Variants in ELMO1 observed in about 807,000 individuals in gnomAD.
ELMO1 encodes engulfment and cell motility protein 1.
In ELMO1, 26 loss-of-function variants were observed where a neutral mutation model predicts 98.9. The observed-to-expected ratio is 0.26, with a 90% confidence interval of 0.19 to 0.36. The LOEUF (loss-of-function observed/expected upper bound fraction) is 0.36, where lower values mean the gene tolerates loss of function less well. ELMO1 is among the 10% of genes least tolerant of loss of function. ELMO1 has a pLI of 1.00. For synonymous variants in ELMO1, 346 were observed against 346.0 expected (o/e 1.00, Z 0.00); for missense variants, 627 against 935.2 (o/e 0.67, Z 4.30).
chr7:37,069,084 A>G (rs944800723), intron 15 of ELMO1, among the ~76,000 whole-genome samples: 1 of 152,154 alleles, frequency 6.6e-6, no homozygotes, highest in Admixed American at 6.5e-5. Flanking sequence ...TTCCTCTAAG[A>G]TTGCAGCTGC....
intron 1 of ELMO1, among the ~76,000 whole-genome samples, chr7:37,393,376 C>A (rs941409916): frequency 3.9e-5 from 6 of 152,060 alleles, no homozygotes; most frequent in Non-Finnish European, 7.3e-5. Flanking sequence ...GCCCTTGTGA[C>A]CTCGTTCAAA....
At chr7:36,908,548 G>GTTAT (rs892629549) in intron 16 of ELMO1, among the ~76,000 whole-genome samples, 2 of 142,554 alleles carry the variant, frequency 1.4e-5, no homozygotes, top group African/African-American at 2.7e-5. Context: ...GTTAAGATTT[G>GTTAT]TTATTTTTTT....
intron 15 of ELMO1, among the ~76,000 whole-genome samples, chr7:37,092,917 T>TTC (rs1427733897): frequency 1.4e-5 from 2 of 146,236 alleles, no homozygotes; most frequent in African/African-American, 4.9e-5. Context: ...TTCTTTTTCT[T>TTC]TTTTTTTTTT....
intron 8 of ELMO1, among the ~76,000 whole-genome samples, chr7:37,232,743 G>A: frequency 6.6e-6 from 1 of 152,152 alleles, no homozygotes; most frequent in East Asian, 1.9e-4. Flanking sequence ...CTGGACACCA[G>A]GTTGGGGATT....
At chr7:37,321,677 A>T (rs1489617289) in intron 2 of ELMO1, among the ~76,000 whole-genome samples, 2 of 134,642 alleles carry the variant, frequency 1.5e-5, no homozygotes, top group South Asian at 5.0e-4. Context: ...AGATCGCGCC[A>T]CTGCACTCTA....
intron 6 of ELMO1, among the ~76,000 whole-genome samples, chr7:37,249,967 T>G (rs1286836961): frequency 6.6e-6 from 1 of 152,066 alleles, no homozygotes; most frequent in African/African-American, 2.4e-5. Context: ...AGTCCCTACC[T>G]ACTCAGGAGG....
chr7:37,170,180 C>T (rs113148650), intron 13 of ELMO1, among the ~76,000 whole-genome samples: 6,992 of 152,314 alleles, frequency 0.046, 178 homozygotes, highest in Middle Eastern at 0.13. Context: ...GCTGGGATTA[C>T]AGGCGTGAGC....
At chr7:37,238,370 G>T (rs1794588238) in intron 7 of ELMO1, among the ~76,000 whole-genome samples, 1 of 152,100 alleles carries the variant, frequency 6.6e-6, no homozygotes, top group African/African-American at 2.4e-5. Flanking sequence ...AATGGTTGCT[G>T]TTAAAATATA....
At chr7:37,436,377 A>G (rs1444150904) in intron 1 of ELMO1, among the ~76,000 whole-genome samples, 6 of 152,230 alleles carry the variant, frequency 3.9e-5, no homozygotes, top group Non-Finnish European at 8.8e-5. Flanking sequence ...TGAAGACTGT[A>G]TATTTGTCAG....
chr7:36,973,688 G>C lies in ELMO1; in HGVS notation c.1437+39611C>G, dbSNP rs529891886. On this transcript the variant is annotated intron_variant, in intron 16 of 21. Transcript: ENST00000310758. ...GCCCACCGCTGCAGTGTGGGAGCCC[G>C]TTTCTGGGCTGGCCAAGGCCGGAGA... 4.5e-3 allele frequency among the ~76,000 whole-genome samples: 679 copies of C among 152,330 alleles called. 11 individuals are homozygous for C. The highest frequency in any genetic ancestry group is 0.016 in the African/African-American group (646 of 41,590).
chr7:37,071,390 G>GA (rs369178737), intron 15 of ELMO1, among the ~76,000 whole-genome samples: 6 of 151,588 alleles, frequency 4.0e-5, no homozygotes, highest in African/African-American at 1.5e-4. Flanking sequence ...ACAATCTTAG[G>GA]AAAAAAAATG....
At chr7:37,323,367 C>T (rs1799623693) in intron 2 of ELMO1, among the ~76,000 whole-genome samples, 1 of 152,192 alleles carries the variant, frequency 6.6e-6, no homozygotes, top group Admixed American at 6.5e-5. Flanking sequence ...ATTTCCTACA[C>T]AAGAAGATTT....
chr7:37,205,138 G>A (rs1362052355), intron 13 of ELMO1, among the ~76,000 whole-genome samples: 1 of 152,158 alleles, frequency 6.6e-6, no homozygotes, highest in Non-Finnish European at 1.5e-5. Flanking sequence ...ATCACAGACG[G>A]GACCCTCTGG....
intron 13 of ELMO1, among the ~76,000 whole-genome samples, chr7:37,188,481 G>A (rs1194886716): frequency 2.7e-5 from 2 of 73,434 alleles, no homozygotes; most frequent in Admixed American, 1.7e-4. Flanking sequence ...GGCCACTGGA[G>A]AAAGGTAAAA....
chr7:37,166,584 T>C (rs1231687619), intron 13 of ELMO1, among the ~76,000 whole-genome samples: 1 of 152,174 alleles, frequency 6.6e-6, no homozygotes, highest in Non-Finnish European at 1.5e-5. Context: ...TTTGCCTTCA[T>C]TTCGTTATGT....
intron 1 of ELMO1, among the ~76,000 whole-genome samples, chr7:37,438,431 C>CAAAAAAAA (rs543852959): frequency 1.6e-5 from 2 of 122,564 alleles, no homozygotes; most frequent in Non-Finnish European, 3.4e-5. Context: ...ACTAAAAATA[C>CAAAAAAAA]AAAAAAAAAA....
At chr7:37,182,035 T>A (rs1275601908) in intron 13 of ELMO1, among the ~76,000 whole-genome samples, 1 of 151,842 alleles carries the variant, frequency 6.6e-6, no homozygotes, top group Non-Finnish European at 1.5e-5. Context: ...AAAAAAAAAT[T>A]AAAAACACAT....
At chr7:37,164,398 A>G (rs1255351493) in intron 13 of ELMO1, among the ~76,000 whole-genome samples, 3 of 152,112 alleles carry the variant, frequency 2.0e-5, no homozygotes, top group Non-Finnish European at 2.9e-5. Flanking sequence ...TGTTTTAGAC[A>G]TGAAGTCCTT....
At chr7:37,333,575 T>C (rs73112661) in intron 2 of ELMO1, among the ~76,000 whole-genome samples, 20,682 of 152,256 alleles carry the variant, frequency 0.14, 1,511 homozygotes, top group Non-Finnish European at 0.17. Flanking sequence ...ATGTTTGCTG[T>C]GTTTTTCTTC....
Sources: gnomAD v4.1 joint callset for allele counts (sites outside exome capture counted in the v4.1 genomes callset) on GRCh38, gnomAD v4.1.1 for gene constraint, MANE v1.5 for transcripts, NCBI Gene and HGNC (gene_info 2026-07-23, HGNC 2026-07-21) for gene names.